The following SKOR2 variants were observed in gnomAD, a reference collection of about 807,000 sequenced individuals.
The protein encoded by SKOR2 is LBX1 corepressor 1-like protein.
SKOR2 carries 47 observed loss-of-function variants against 69.1 expected under a neutral mutation model. The ratio of observed to expected loss-of-function variants is 0.68; its 90% CI spans 0.54 to 0.87. The LOEUF (loss-of-function observed/expected upper bound fraction) is 0.87, where lower values mean the gene tolerates loss of function less well. Among genes scored for constraint, SKOR2 ranks in the 40% least tolerant of loss-of-function variants. SKOR2 has a pLI of 0.00. For missense variants in SKOR2, 1,404 were observed against 1,472.2 expected (o/e 0.95, Z 0.76); for synonymous variants, 717 against 672.6 (o/e 1.07, Z -1.02).
chr18:47,249,728 G>A (rs1349144240), intron 1 of SKOR2, among the ~76,000 whole-genome samples: 1 of 152,148 alleles, frequency 6.6e-6, no homozygotes, highest in Non-Finnish European at 1.5e-5. Context: ...GATTTTCTTG[G>A]TGTCTATGGT....
intron 6 of SKOR2, among the ~76,000 whole-genome samples, chr18:47,227,685 G>C (rs553067694): frequency 1.3e-5 from 2 of 152,302 alleles, no homozygotes; most frequent in Admixed American, 1.3e-4. Flanking sequence ...GCTCAGTGCT[G>C]TTCCTCTCCT....
Position 47,248,543 on chromosome 18 carries a change from T to C in SKOR2, c.641A>G (p.Lys214Arg), listed in dbSNP as rs1181082586. 1.3e-6 allele frequency: 2 copies of C among 1,537,290 alleles called. No individual in the cohort carries two copies. The highest frequency in any genetic ancestry group is 1.7e-6 in the Non-Finnish European group (2 of 1,146,924). Residue 214 changes from lysine to arginine, a missense_variant, in exon 2 of 9, where the codon AAG becomes AGG. By Grantham distance (26) the Lys-to-Arg change is conservative (BLOSUM62 2). Around this residue, in one of 3 missense-constraint regions of SKOR2, gnomAD observed 1,266 missense variants for 1,309.9 expected, o/e 0.97. Coordinates refer to ENST00000425639, the MANE Select transcript of SKOR2 (RefSeq NM_001278063.4). This position sits in a 1 kb window ranked among gnomAD's most constrained non-coding sequence, Gnocchi z 6.4. ...ANFNSWRRHL[K>R]LTDKSPQDEL... The stretch of plus-strand genomic sequence containing the variant: ...GTCCTGGGGACTCTTGTCGGTGAGC[T>C]TGAGATGACGGCGCCACGAGTTGAA...
At position 47,212,998 on chromosome 18, in the gene SKOR2, T is replaced by C. The variant is rs192832855; in HGVS notation, c.2986-847A>G. Among the ~76,000 whole-genome samples the C allele has an allele frequency of 8.4e-3, 1,275 of 152,222 alleles. 10 individuals are homozygous for C. Among genetic ancestry groups the C allele is most frequent in the Non-Finnish European group, 0.014 (977 of 68,020 alleles). ...CACACAAAGAAGCATCAGAAATAAC[T>C]GCACTGAATGGAAAATATGACCTTG... On this transcript the variant is annotated intron_variant, in intron 7 of 8. Coordinates refer to ENST00000425639, the MANE Select transcript of SKOR2 (RefSeq NM_001278063.4).
chr18:47,217,113 C>T (rs964672842), intron 7 of SKOR2, among the ~76,000 whole-genome samples: 5 of 152,182 alleles, frequency 3.3e-5, no homozygotes, highest in Non-Finnish European at 7.3e-5. Context: ...GCAGATAGTA[C>T]CATGTAAACA....
At position 47,247,461 on chromosome 18, in the gene SKOR2, G is replaced by A; in HGVS notation, c.1723C>T (p.Pro575Ser). The change falls in exon 2 of 9, where the codon CCG becomes TCG. Residue 575 changes from proline to serine, a missense_variant. Transcript: ENST00000425639. The surrounding 1 kb of genome is among the most constrained non-coding windows in gnomAD (Gnocchi z 6.6). Reference sequence around the variant, plus strand: ...GCAGCTGCCACAGAGTCCGCGGGCGGCGTGGAGCCCGCGCTGCAGTCCCCG... The same window carrying A: ...GCAGCTGCCACAGAGTCCGCGGGCGACGTGGAGCCCGCGCTGCAGTCCCCG... ...SGGDCSAGST[P>S]PADSVAAAGA... 2 of 1,231,444 alleles carry A rather than the reference G, an allele frequency of 1.6e-6. No homozygotes were observed. Among genetic ancestry groups the A allele is most frequent in the East Asian group, 3.3e-5 (1 of 30,178 alleles). The allele number at this position is 1,231,444 out of a possible 1,614,324, so 76.3% of individuals were successfully genotyped here.
chr18:47,229,530 T>G (rs1226492426), intron 6 of SKOR2, among the ~76,000 whole-genome samples: 1 of 152,014 alleles, frequency 6.6e-6, no homozygotes, highest in Non-Finnish European at 1.5e-5. Flanking sequence ...GGTGTGTGCC[T>G]GTAGTACCAG....
intron 7 of SKOR2, among the ~76,000 whole-genome samples, chr18:47,212,470 C>CA (rs1464661011): frequency 2.6e-5 from 4 of 152,078 alleles, no homozygotes; most frequent in Admixed American, 2.0e-4. Flanking sequence ...TATTTAGGTA[C>CA]AAAAACTGAG....
chr18:47,247,162 C>T lies in SKOR2; in HGVS notation c.2022G>A (p.Ser674=). Residue 674 remains serine, a synonymous_variant, in exon 2 of 9, where the codon TCG becomes TCA. Coordinates refer to ENST00000425639, the MANE Select transcript of SKOR2 (RefSeq NM_001278063.4). The surrounding 1 kb of genome is among the most constrained non-coding windows in gnomAD (Gnocchi z 6.6). The stretch of plus-strand genomic sequence containing the variant: ...GCTGCGGGGGCAGCAGCAGAAGCGG[C>T]GACGGCGGCTGCGGGGGGTGGTGGT... The part of the protein sequence containing the change: ...HHHHHPPQPP[S]PLLLLPPQPD... 9.1e-7 allele frequency: 1 copy of T among 1,104,018 alleles called. No homozygotes were observed. The highest frequency in any genetic ancestry group is 1.1e-6 in the Non-Finnish European group (1 of 899,896). The allele number at this position is 1,104,018 out of a possible 1,614,324, so 68.4% of individuals were successfully genotyped here.
intron 6 of SKOR2, among the ~76,000 whole-genome samples, chr18:47,229,255 T>C (rs886467005): frequency 3.3e-5 from 5 of 152,214 alleles, no homozygotes; most frequent in Non-Finnish European, 7.3e-5. Context: ...GGCACAGGAA[T>C]TGCCAACTTG....
At chr18:47,241,484 T>A (rs543221126) in intron 4 of SKOR2, among the ~76,000 whole-genome samples, 1 of 152,286 alleles carries the variant, frequency 6.6e-6, no homozygotes, top group South Asian at 2.1e-4. Context: ...AAATGTGTAT[T>A]TCAATCTGAG....
chr18:47,228,429 T>C (rs2064186237), intron 6 of SKOR2, among the ~76,000 whole-genome samples: 1 of 152,230 alleles, frequency 6.6e-6, no homozygotes, highest in Admixed American at 6.5e-5. Flanking sequence ...AACATTTTGT[T>C]TAACGGAAAC....
At chr18:47,226,187 T>C (rs563405236) in intron 6 of SKOR2, among the ~76,000 whole-genome samples, 12 of 152,200 alleles carry the variant, frequency 7.9e-5, no homozygotes, top group Admixed American at 2.0e-4. Context: ...AAACGATGAA[T>C]GCTGTAATAA....
intron 6 of SKOR2, among the ~76,000 whole-genome samples, chr18:47,225,606 G>T (rs1424048804): frequency 6.6e-6 from 1 of 152,148 alleles, no homozygotes; most frequent in African/African-American, 2.4e-5. Flanking sequence ...AACAGAGGAG[G>T]AGTCAACACA....
intron 7 of SKOR2, among the ~76,000 whole-genome samples, chr18:47,213,869 T>C (rs1232964245): frequency 6.6e-6 from 1 of 152,204 alleles, no homozygotes; most frequent in Non-Finnish European, 1.5e-5. Flanking sequence ...TAGCTGCTAT[T>C]AACACAGACC....
chr18:47,212,209 T>C (rs529133959), intron 7 of SKOR2, 58 bp from the exon 8 acceptor site: 1 of 1,220,290 alleles, frequency 8.2e-7, no homozygotes, highest in Admixed American at 4.2e-5. Flanking sequence ...GACAGATATG[T>C]AATGGAGACC....
Position 47,249,006 on chromosome 18 carries a change from C to T in SKOR2, c.178G>A (p.Glu60Lys), listed in dbSNP as rs1055668634. Residue 60 changes from glutamate (E) to lysine (K), a missense_variant, in exon 2 of 9, where the codon GAG (glutamate) becomes AAG (lysine). By Grantham distance (56) the Glu-to-Lys change is moderately conservative. Coordinates refer to ENST00000425639, the MANE Select transcript of SKOR2 (RefSeq NM_001278063.4). Reference sequence around the variant, plus strand: ...GAGATCTGCGCCAGGCACAGGCGCTCTTGCCCGTCGATCACCAACGACACG... The same window carrying T: ...GAGATCTGCGCCAGGCACAGGCGCTTTTGCCCGTCGATCACCAACGACACG... ...PIVSLVIDGQERLCLAQISNT... is the reference protein window; with the variant it reads ...PIVSLVIDGQKRLCLAQISNT... The T allele has an allele frequency of 1.3e-6, 2 of 1,549,916 alleles. No homozygotes were observed. The highest frequency in any genetic ancestry group is 2.7e-5 in the African/African-American group (2 of 73,716).
rs2064153452 is a variant in SKOR2, at chr18:47,219,184, G to A, written c.2985+759C>T. Among the ~76,000 whole-genome samples the A allele has an allele frequency of 2.0e-5, 3 of 152,274 alleles. No individual in the cohort carries two copies. In the South Asian group the frequency reaches 6.2e-4, roughly 32 times the overall value. On this transcript the variant is annotated intron_variant, in intron 7 of 8. Coordinates refer to ENST00000425639, the MANE Select transcript of SKOR2 (RefSeq NM_001278063.4). ...AGAATAGCACTAAGGATCAATATGTGTTTTTATCCAGGTGATTAAATATAT... is the reference window on the plus strand; with the variant it reads ...AGAATAGCACTAAGGATCAATATGTATTTTTATCCAGGTGATTAAATATAT...
At chr18:47,249,258 T>C (rs2064302589) in intron 1 of SKOR2, 28 bp from the exon 2 acceptor site, 9 of 1,461,474 alleles carry the variant, frequency 6.2e-6, no homozygotes, top group South Asian at 1.4e-5. Flanking sequence ...AAGCGTTGAC[T>C]TGAGCCTTTT....
chr18:47,222,044 A>G (rs186919720), intron 6 of SKOR2, among the ~76,000 whole-genome samples: 2 of 152,238 alleles, frequency 1.3e-5, no homozygotes, highest in East Asian at 3.9e-4. Context: ...TGACAGGCCG[A>G]GTGTGGTGGC....
Sources: allele counts gnomAD v4.1 joint callset (sites outside exome capture counted in the v4.1 genomes callset), GRCh38; gene constraint gnomAD v4.1.1; regional missense constraint gnomAD v4.1.1; non-coding constraint Gnocchi (gnomAD v3.1); transcripts MANE v1.5; gene names NCBI Gene and HGNC (gene_info 2026-07-23, HGNC 2026-07-21).